Variants in NFIB observed in about 807,000 individuals in gnomAD.
The protein encoded by NFIB is nuclear factor I B, also known as nuclear factor 1 B-type.
In NFIB, 11 loss-of-function variants were observed where a neutral mutation model predicts 61.5. That is an observed-to-expected ratio of 0.18 (90% CI 0.11 to 0.30). The LOEUF is 0.30. Ranked by LOEUF, NFIB falls within the 10% of genes least tolerant of loss-of-function variation. The probability of loss-of-function intolerance (pLI) is 1.00; values close to 1 mark genes in which losing one functional copy is unlikely to be tolerated. For synonymous variants in NFIB, 260 were observed against 216.5 expected (o/e 1.20, Z -1.76); for missense variants, 471 against 608.9 (o/e 0.77, Z 2.38).
chr9:14,288,274 C>T (rs2058847026), intron 2 of NFIB, among the ~76,000 whole-genome samples: 1 of 151,982 alleles, frequency 6.6e-6, no homozygotes, highest in African/African-American at 2.4e-5. Context: ...AGGACATACA[C>T]TGAAATCTAA....
At chr9:14,215,135 T>C (rs911902539) in intron 2 of NFIB, among the ~76,000 whole-genome samples, 2 of 141,914 alleles carry the variant, frequency 1.4e-5, no homozygotes, top group African/African-American at 6.3e-5. Context: ...GCTCAACAAT[T>C]GGGTGCTTAG....
intron 2 of NFIB, among the ~76,000 whole-genome samples, chr9:14,275,889 G>C (rs2057962787): frequency 6.6e-6 from 1 of 151,390 alleles, no homozygotes. Context: ...AAGACTAAAA[G>C]TTGTTGATGT....
At chr9:14,487,108 T>A in the NFIB span, among the ~76,000 whole-genome samples, 1 of 152,130 alleles carries the variant, frequency 6.6e-6, no homozygotes, top group Non-Finnish European at 1.5e-5. Flanking sequence ...AACAAACTGG[T>A]TTTATGAGCC....
intron 2 of NFIB, among the ~76,000 whole-genome samples, chr9:14,192,188 G>C (rs1407516589): frequency 6.6e-6 from 1 of 152,122 alleles, no homozygotes; most frequent in East Asian, 1.9e-4. Flanking sequence ...GACATTTAAA[G>C]CATGTTAAAA....
rs2038092480 is a variant in NFIB, at chr9:14,116,106, C to T, written c.1384+102G>A. The stretch of plus-strand genomic sequence containing the variant: ...CTGGTCAGGTAGCTGGAAAAATTGC[C>T]GTGTTTTCCACCTTGGATCAGATAT... On this transcript the variant is annotated intron_variant, in intron 9 of 10. Transcript: ENST00000380953. 5.4e-6 allele frequency: 7 copies of T among 1,287,186 alleles called. No individual in the cohort carries two copies. The East Asian group carries it at 1.2e-4, about 23-fold the overall frequency. 79.7% of individuals were successfully genotyped at this position (1,287,186 alleles called of 1,614,324 possible).
At chr9:14,225,408 G>A (rs1171988985) in intron 2 of NFIB, among the ~76,000 whole-genome samples, 11 of 127,544 alleles carry the variant, frequency 8.6e-5, no homozygotes, top group African/African-American at 3.0e-4. Context: ...AGTGAGCCGA[G>A]ATCCCGCCAC....
the NFIB span, among the ~76,000 whole-genome samples, chr9:14,454,339 T>G: frequency 6.6e-6 from 1 of 152,254 alleles, no homozygotes; most frequent in Non-Finnish European, 1.5e-5. Context: ...GCAGACAATC[T>G]GCAAAATAGA....
chr9:14,341,489 A>G (rs2060949705), intron 1 of NFIB, among the ~76,000 whole-genome samples: 1 of 152,176 alleles, frequency 6.6e-6, no homozygotes, highest in Non-Finnish European at 1.5e-5. Context: ...GTAGTAAGAC[A>G]AGCAAAGAGA....
the NFIB span, among the ~76,000 whole-genome samples, chr9:14,494,495 G>C: frequency 6.6e-6 from 1 of 152,134 alleles, no homozygotes; most frequent in East Asian, 1.9e-4. Context: ...TCTTAGCCTG[G>C]ACTGGCTTCC....
At chr9:14,273,179 C>G (rs748330826) in intron 2 of NFIB, among the ~76,000 whole-genome samples, 2 of 152,108 alleles carry the variant, frequency 1.3e-5, no homozygotes, top group Non-Finnish European at 2.9e-5. Flanking sequence ...CAAATCAAGG[C>G]ACTCTTTTTA....
At position 14,296,077 on chromosome 9, in the gene NFIB, G is replaced by A. The variant is rs547889796; in HGVS notation, c.562+10912C>T. Among the ~76,000 whole-genome samples, 23 of 152,250 alleles carry A rather than the reference G, an allele frequency of 1.5e-4. No individual in the cohort carries two copies. In the Middle Eastern group the frequency reaches 0.01, roughly 68 times the overall value. The stretch of plus-strand genomic sequence containing the variant: ...CGCGCACTACAGTGAGCAGGACTTC[G>A]ATTTCCTCTTTGGTATGTCTTGTTA... On this transcript the variant is annotated intron_variant, in intron 2 of 10. Transcript: ENST00000380953.
the NFIB span, among the ~76,000 whole-genome samples, chr9:14,522,322 T>A: frequency 6.6e-6 from 1 of 152,220 alleles, no homozygotes; most frequent in Non-Finnish European, 1.5e-5. Flanking sequence ...TGAACATTCA[T>A]GCTACGTAAA....
At chr9:14,292,455 C>T (rs1195020145) in intron 2 of NFIB, among the ~76,000 whole-genome samples, 1 of 152,158 alleles carries the variant, frequency 6.6e-6, no homozygotes, top group East Asian at 1.9e-4. Flanking sequence ...TGTATTAAAA[C>T]CCTAAATTTA....
rs35417792 is a variant in NFIB at position 14,395,726 on chromosome 9, C to CTTTTTTTTT, written c.108+2789_108+2797dup. ...TCATCCCCCTCCCATATTCTTTTGA[C>CTTTTTTTTT]TTTTTTTTTTTTTTTTTTTTTTTTT... is the stretch of plus-strand genomic sequence containing the variant. On this transcript the variant is annotated intron_variant, in intron 1 of 8. Transcript: ENST00000380934. Among the ~76,000 whole-genome samples, 2 of 65,726 alleles carry CTTTTTTTTT rather than the reference C, an allele frequency of 3.0e-5. 1 individual carries two copies. The highest frequency in any genetic ancestry group is 6.0e-5 in the Non-Finnish European group (2 of 33,278). The allele number at this position is 65,726 out of a possible 152,430, so 43.1% of individuals were successfully genotyped here. A position where few individuals can be genotyped will look rare whatever the true frequency, so the allele number is the denominator to read the frequency against.
At chr9:14,499,476 A>G in the NFIB span, among the ~76,000 whole-genome samples, 1 of 152,182 alleles carries the variant, frequency 6.6e-6, no homozygotes, top group South Asian at 2.1e-4. Flanking sequence ...TGACCAGAAC[A>G]GGGGACAGGC....
chr9:14,255,696 T>C (rs2056153220), intron 2 of NFIB, among the ~76,000 whole-genome samples: 1 of 152,214 alleles, frequency 6.6e-6, no homozygotes, highest in Admixed American at 6.5e-5. Context: ...GATGAAATAC[T>C]TGGAGTGTTT....
intron 3 of NFIB, among the ~76,000 whole-genome samples, chr9:14,171,371 G>A (rs1477649431): frequency 2.0e-5 from 3 of 152,148 alleles, no homozygotes; most frequent in African/African-American, 7.2e-5. Flanking sequence ...TATTCCCTGG[G>A]AAGGGGTAGA....
the NFIB span, among the ~76,000 whole-genome samples, chr9:14,429,109 G>T: frequency 1.3e-5 from 2 of 152,146 alleles, no homozygotes; most frequent in African/African-American, 4.8e-5. Context: ...GTGAAGACAT[G>T]CACGTCTTAC....
intron 2 of NFIB, chr9:14,204,930 G>T: frequency 2.8e-6 from 1 of 351,926 alleles, no homozygotes; most frequent in Admixed American, 3.3e-5. Flanking sequence ...TACAACGACA[G>T]AGCCAATGAG....
Sources: gnomAD v4.1 joint callset for allele counts (sites outside exome capture counted in the v4.1 genomes callset) on GRCh38, gnomAD v4.1.1 for gene constraint, MANE v1.5 for transcripts, NCBI Gene and HGNC (gene_info 2026-07-23, HGNC 2026-07-21) for gene names.